Variants in PDE10A observed in about 807,000 individuals in gnomAD.
PDE10A encodes the protein phosphodiesterase 10A.
PDE10A carries 39 observed loss-of-function variants against 97.7 expected under a neutral mutation model. The observed-to-expected ratio is 0.40, with a 90% CI of 0.31 to 0.52. The LOEUF (loss-of-function observed/expected upper bound fraction) is 0.52. PDE10A is among the 20% of genes least tolerant of loss of function. The pLI, the probability that PDE10A is intolerant of heterozygous loss-of-function variation, is 0.56. For synonymous variants in PDE10A, 371 were observed against 376.8 expected (o/e 0.98, Z 0.18); for missense variants, 731 against 1,047.8 (o/e 0.70, Z 4.17).
chr6:165,832,883 T>C (rs1392548104), intron 1 of PDE10A, among the ~76,000 whole-genome samples: 1 of 152,188 alleles, frequency 6.6e-6, no homozygotes, highest in Non-Finnish European at 1.5e-5. Flanking sequence ...CTGCAGAATT[T>C]AAATTCACAA....
intron 2 of PDE10A, among the ~76,000 whole-genome samples, chr6:165,536,562 A>G (rs1481282208): frequency 1.3e-5 from 2 of 151,920 alleles, no homozygotes; most frequent in Non-Finnish European, 2.9e-5. Flanking sequence ...CAAAAAATTA[A>G]TAACCTGAAC....
intron 1 of PDE10A, among the ~76,000 whole-genome samples, chr6:165,778,032 AT>A (rs138575054): frequency 8.0e-5 from 12 of 149,560 alleles, no homozygotes; most frequent in Admixed American, 3.3e-4. Context: ...AAAAGGCTAC[AT>A]TTTTTTTTCA....
chr6:165,987,674 C>T (rs1273474568), exon 1 of PDE10A: 2 of 456,642 alleles, frequency 4.4e-6, no homozygotes, highest in East Asian at 1.4e-4. Flanking sequence ...GAGAACTGCG[C>T]AAAGCAAGTT....
At chr6:165,568,056 T>C (rs1363456261) in intron 1 of PDE10A, among the ~76,000 whole-genome samples, 3 of 136,754 alleles carry the variant, frequency 2.2e-5, no homozygotes, top group African/African-American at 5.4e-5. Context: ...TGGAGTGCAG[T>C]GGCACAATCT....
chr6:165,719,608 C>A (rs919934040), intron 1 of PDE10A, among the ~76,000 whole-genome samples: 1 of 146,316 alleles, frequency 6.8e-6, no homozygotes, highest in Non-Finnish European at 1.5e-5. Flanking sequence ...GAGGTTCCAG[C>A]ACAATAAGTG....
chr6:165,886,853 G>A (rs1781644386), intron 1 of PDE10A, among the ~76,000 whole-genome samples: 1 of 152,200 alleles, frequency 6.6e-6, no homozygotes, highest in South Asian at 2.1e-4. Context: ...CACTAAGCAT[G>A]AGCTCACACT....
chr6:165,450,133 G>C (rs1340502561), intron 4 of PDE10A, 109 bp downstream of exon 4: 1 of 694,482 alleles, frequency 1.4e-6, no homozygotes, highest in Non-Finnish European at 2.4e-6. Flanking sequence ...TCCAGAAATA[G>C]AAGTAAATAT....
chr6:165,533,371 T>G (rs1782895634), intron 2 of PDE10A, among the ~76,000 whole-genome samples: 1 of 152,162 alleles, frequency 6.6e-6, no homozygotes, highest in African/African-American at 2.4e-5. Context: ...TAAGGTGGTA[T>G]AGTCTATCTC....
Position 165,342,414 on chromosome 6 carries a change from G to A in PDE10A, c.2895+977C>T, listed in dbSNP as rs551053830. Among the ~76,000 whole-genome samples, 20 of 152,324 alleles carry A rather than the reference G, an allele frequency of 1.3e-4. No individual in the cohort carries two copies. In the East Asian group the frequency reaches 2.7e-3, roughly 21 times the overall value. On this transcript the variant is annotated intron_variant, in intron 19 of 21. Transcript: ENST00000539869. Reference sequence around the variant, plus strand: ...AAAGAAAAAGCTCATGCGAGACCACGCATATGCGATGTGTAAAGCATTCTG... The same window carrying A: ...AAAGAAAAAGCTCATGCGAGACCACACATATGCGATGTGTAAAGCATTCTG...
At chr6:165,391,855 A>G (rs1400127767) in intron 16 of PDE10A, among the ~76,000 whole-genome samples, 1 of 152,220 alleles carries the variant, frequency 6.6e-6, no homozygotes, top group Non-Finnish European at 1.5e-5. Flanking sequence ...TGAGAAAAGC[A>G]CAATTTATTT....
intron 1 of PDE10A, among the ~76,000 whole-genome samples, chr6:165,576,210 A>T (rs1035621300): frequency 1.1e-4 from 17 of 152,210 alleles, no homozygotes; most frequent in African/African-American, 4.1e-4. Flanking sequence ...GGTGCAATGA[A>T]ACCCTGTCAA....
chr6:165,617,046 A>G (rs1057193244), intron 1 of PDE10A, among the ~76,000 whole-genome samples: 1 of 152,236 alleles, frequency 6.6e-6, no homozygotes, highest in African/African-American at 2.4e-5. Context: ...GATATTCTCA[A>G]TAATGAAAGA....
chr6:165,746,964 TAC>T (rs543840564), intron 1 of PDE10A, among the ~76,000 whole-genome samples: 107 of 152,182 alleles, frequency 7.0e-4, no homozygotes, highest in Non-Finnish European at 1.1e-3. Context: ...TCTTAAAAAA[TAC>T]AGTGTTTTAA....
intron 1 of PDE10A, among the ~76,000 whole-genome samples, chr6:165,757,331 G>A (rs1036595359): frequency 6.6e-6 from 1 of 151,868 alleles, no homozygotes; most frequent in Admixed American, 6.6e-5. Context: ...TTTCATTTCA[G>A]CCATTGCCTT....
chr6:165,710,069 C>T (rs888394078), intron 1 of PDE10A, among the ~76,000 whole-genome samples: 1 of 152,040 alleles, frequency 6.6e-6, no homozygotes, highest in African/African-American at 2.4e-5. Context: ...AGTGCCTTGA[C>T]GCCTGCTCTT....
At position 165,387,317 on chromosome 6, in the gene PDE10A, A is replaced by C. The variant is rs149052569; in HGVS notation, c.2610+981T>G. 3.3e-3 allele frequency among the ~76,000 whole-genome samples: 498 copies of C among 152,324 alleles called. 6 individuals are homozygous for C. Among genetic ancestry groups the C allele is most frequent in the South Asian group, 0.017 (82 of 4,826 alleles). ...TTACCTTCGTAGGCCTGAGGACATGAGACCTGGACAGGTCAGTTTTGCTGG... is the reference window on the plus strand; with the variant it reads ...TTACCTTCGTAGGCCTGAGGACATGCGACCTGGACAGGTCAGTTTTGCTGG... On this transcript the variant is annotated intron_variant, in intron 17 of 21. Transcript: ENST00000539869.
At chr6:165,370,968 C>A (rs1447303746) in intron 18 of PDE10A, among the ~76,000 whole-genome samples, 1 of 135,642 alleles carries the variant, frequency 7.4e-6, no homozygotes, top group Non-Finnish European at 1.6e-5. Flanking sequence ...ACAACCTGCT[C>A]CTGAATGACT....
chr6:165,405,809 TGAA>T (rs1787093602), intron 13 of PDE10A, among the ~76,000 whole-genome samples: 1 of 152,104 alleles, frequency 6.6e-6, no homozygotes, highest in Non-Finnish European at 1.5e-5. Flanking sequence ...GTGTCATAGC[TGAA>T]GGAGAGCTGC....
At chr6:165,533,910 A>T (rs1583484537) in intron 2 of PDE10A, among the ~76,000 whole-genome samples, 1 of 152,192 alleles carries the variant, frequency 6.6e-6, no homozygotes, top group African/African-American at 2.4e-5. Context: ...GACTTAATCT[A>T]TAAAATTATC....
Sources: allele counts gnomAD v4.1 joint callset (sites outside exome capture counted in the v4.1 genomes callset), GRCh38; gene constraint gnomAD v4.1.1; transcripts MANE v1.5; gene names NCBI Gene and HGNC (gene_info 2026-07-23, HGNC 2026-07-21).